The following ZNF804B variants were observed in gnomAD, a reference collection of about 807,000 sequenced individuals.
ZNF804B encodes zinc finger protein 804B, also known as zinc finger 804B.
In ZNF804B, 80 loss-of-function variants were observed where a neutral mutation model predicts 101.4. The ratio of observed to expected loss-of-function variants is 0.79; its 90% CI spans 0.66 to 0.95. ZNF804B has a LOEUF of 0.95. Ranked by LOEUF, ZNF804B falls within the 40% of genes least tolerant of loss-of-function variation. The pLI, the probability that ZNF804B is intolerant of heterozygous loss-of-function variation, is 0.00. For missense variants in ZNF804B, 1,673 were observed against 1,561.9 expected (o/e 1.07, Z -1.20); for synonymous variants, 622 against 558.8 (o/e 1.11, Z -1.59).
intron 1 of ZNF804B, chr7:88,794,788 A>G (rs749491311): frequency 6.2e-7 from 1 of 1,613,814 alleles, no homozygotes; most frequent in Non-Finnish European, 8.5e-7. Flanking sequence ...CTTGGCCACT[A>G]GAAACATCCT....
intron 1 of ZNF804B, among the ~76,000 whole-genome samples, chr7:89,029,134 C>T (rs112996308): frequency 2.6e-5 from 4 of 152,242 alleles, no homozygotes; most frequent in East Asian, 3.9e-4. Context: ...GACAGAGTCT[C>T]GCTCTGTTGC....
chr7:88,802,135 C>T (rs867705927), intron 1 of ZNF804B, among the ~76,000 whole-genome samples: 5 of 152,176 alleles, frequency 3.3e-5, no homozygotes, highest in South Asian at 2.1e-4. Flanking sequence ...TGAAGAAGCT[C>T]CTTGTTCTGC....
In ZNF804B at chr7:89,111,483, G is replaced by A. The variant is rs189638695; in HGVS notation, c.109-106672G>A. 2.6e-4 allele frequency among the ~76,000 whole-genome samples: 40 copies of A among 152,252 alleles called. 1 individual carries two copies. Among genetic ancestry groups the A allele is most frequent in the Admixed American group, 1.6e-3 (25 of 15,298 alleles). On this transcript the variant is annotated intron_variant, in intron 1 of 3. Coordinates refer to ENST00000333190, the MANE Select transcript of ZNF804B (RefSeq NM_181646.5). ...TTGTAGCTCTGTAATGACAGATAAC[G>A]TTGAGTATCTTTTCTTATGCTTATT...
At chr7:88,870,038 A>G (rs953714862) in intron 1 of ZNF804B, among the ~76,000 whole-genome samples, 4 of 152,196 alleles carry the variant, frequency 2.6e-5, no homozygotes, top group Admixed American at 6.5e-5. Context: ...TGGCCTCTGT[A>G]ATTCTACCAC....
intron 1 of ZNF804B, among the ~76,000 whole-genome samples, chr7:89,028,684 G>T (rs1788785779): frequency 6.6e-6 from 1 of 152,042 alleles, no homozygotes; most frequent in Admixed American, 6.6e-5. Flanking sequence ...TTAAAATTAT[G>T]CTTTGTTTGT....
At chr7:89,058,894 A>G (rs1252683712) in intron 1 of ZNF804B, among the ~76,000 whole-genome samples, 1 of 152,044 alleles carries the variant, frequency 6.6e-6, no homozygotes, top group African/African-American at 2.4e-5. Context: ...GGCTTTCGCC[A>G]TGTTGCCCAG....
intron 2 of ZNF804B, among the ~76,000 whole-genome samples, chr7:89,244,492 C>A (rs1203020620): frequency 6.6e-6 from 1 of 151,928 alleles, no homozygotes; most frequent in East Asian, 1.9e-4. Flanking sequence ...AGTAAAAATC[C>A]ATTGCTGAAA....
At chr7:88,892,313 A>T (rs992594038) in intron 1 of ZNF804B, among the ~76,000 whole-genome samples, 7 of 151,834 alleles carry the variant, frequency 4.6e-5, no homozygotes, top group African/African-American at 1.5e-4. Flanking sequence ...TTTAGGGAGT[A>T]TTTGTTTTTT....
intron 1 of ZNF804B, among the ~76,000 whole-genome samples, chr7:89,147,043 C>A (rs571615801): frequency 9.4e-4 from 140 of 149,122 alleles, no homozygotes; most frequent in Admixed American, 4.7e-3. Context: ...AACAAAAAAA[C>A]CCCAGAGTGA....
At chr7:88,787,180 C>T (rs1008482694) in intron 1 of ZNF804B, among the ~76,000 whole-genome samples, 2 of 152,028 alleles carry the variant, frequency 1.3e-5, no homozygotes, top group East Asian at 1.9e-4. Flanking sequence ...GAGAAAGAGA[C>T]AAGAGAAAAC....
chr7:88,872,352 G>A (rs750594125), intron 1 of ZNF804B, among the ~76,000 whole-genome samples: 12 of 152,078 alleles, frequency 7.9e-5, no homozygotes, highest in Non-Finnish European at 1.6e-4. Flanking sequence ...AGCAGTTTGA[G>A]GCTGCAGTGA....
intron 1 of ZNF804B, among the ~76,000 whole-genome samples, chr7:89,129,501 C>A (rs1221775146): frequency 1.3e-5 from 2 of 151,960 alleles, no homozygotes; most frequent in Non-Finnish European, 2.9e-5. Flanking sequence ...TTAAAATGGG[C>A]TCCTCTCTTT....
chr7:88,841,391 C>G lies in ZNF804B; in HGVS notation c.108+81307C>G, dbSNP rs143869855. On this transcript the variant is annotated intron_variant, in intron 1 of 3. Coordinates refer to ENST00000333190, the MANE Select transcript of ZNF804B (RefSeq NM_181646.5). ...TGGGCAATCAATCTATTAAGTAAGC[C>G]CACATAATAAAGCCACAATAAAAAC... Among the ~76,000 whole-genome samples the G allele has an allele frequency of 1.3e-5, 2 of 152,136 alleles. 1 individual carries two copies. The highest frequency in any genetic ancestry group is 3.9e-4 in the East Asian group (2 of 5,178).
In ZNF804B at chr7:89,337,108, G is replaced by A. The variant is rs1228925526; in HGVS notation, c.*76G>A. On this transcript the variant is annotated 3_prime_UTR_variant, in exon 4 of 4. Coordinates refer to ENST00000333190, the MANE Select transcript of ZNF804B (RefSeq NM_181646.5). ...TAAAATCATACATTTAAAGAAGTCT[G>A]TCAATTATAAGATTTAAAATATTGC... 2 of 1,383,156 alleles carry A rather than the reference G, an allele frequency of 1.4e-6. No individual in the cohort carries two copies. Among genetic ancestry groups the A allele is most frequent in the Non-Finnish European group, 1.9e-6 (2 of 1,029,240 alleles). 85.7% of individuals were successfully genotyped at this position (1,383,156 alleles called of 1,614,324 possible). A position where few individuals can be genotyped will look rare whatever the true frequency, so the allele number is the denominator to read the frequency against.
intron 1 of ZNF804B, among the ~76,000 whole-genome samples, chr7:88,773,817 A>T (rs1263241693): frequency 1.3e-5 from 2 of 151,796 alleles, no homozygotes; most frequent in Non-Finnish European, 2.9e-5. Flanking sequence ...GGTGAGGGAG[A>T]TGCCACTCTC....
intron 1 of ZNF804B, among the ~76,000 whole-genome samples, chr7:88,996,956 T>C (rs1788209571): frequency 6.6e-6 from 1 of 152,052 alleles, no homozygotes; most frequent in Admixed American, 6.6e-5. Flanking sequence ...GTAAAAGTTA[T>C]GTGCGCATGG....
At chr7:89,015,034 A>G (rs1788524397) in intron 1 of ZNF804B, among the ~76,000 whole-genome samples, 1 of 152,166 alleles carries the variant, frequency 6.6e-6, no homozygotes, top group East Asian at 1.9e-4. Flanking sequence ...TGCATAAAGT[A>G]AGAAATGGAG....
intron 1 of ZNF804B, among the ~76,000 whole-genome samples, chr7:89,063,840 G>A (rs777073557): frequency 7.2e-5 from 11 of 152,134 alleles, no homozygotes; most frequent in African/African-American, 2.2e-4. Context: ...GAATGAATGC[G>A]TCAATAGCTA....
chr7:89,257,427 G>A (rs1028887094), intron 2 of ZNF804B, among the ~76,000 whole-genome samples: 7 of 151,970 alleles, frequency 4.6e-5, no homozygotes, highest in Non-Finnish European at 1.0e-4. Flanking sequence ...TTTCTTATAA[G>A]CTTAATCTCT....
Sources: allele counts gnomAD v4.1 joint callset (sites outside exome capture counted in the v4.1 genomes callset), GRCh38; gene constraint gnomAD v4.1.1; transcripts MANE v1.5; gene names NCBI Gene and HGNC (gene_info 2026-07-23, HGNC 2026-07-21).